Variants in C11orf65 observed in about 807,000 individuals in gnomAD.
C11orf65 encodes the protein protein MFI.
In C11orf65, 38 loss-of-function variants were observed where a neutral mutation model predicts 35.3. The observed-to-expected ratio is 1.08, with a 90% CI of 0.83 to 1.41. C11orf65 has a LOEUF of 1.41. Ranked by LOEUF, C11orf65 falls within the 40% of genes most tolerant of loss-of-function variation. The pLI is 0.00. For missense variants in C11orf65, 370 were observed against 367.1 expected, an observed-to-expected ratio of 1.01 and a Z score of -0.06; for synonymous variants, 105 against 114.4, an observed-to-expected ratio of 0.92 and a Z score of 0.53.
chr11:108,315,740 G>A (rs2084571521), intron 6 of C11orf65: 8 of 958,472 alleles, frequency 8.3e-6, no homozygotes, highest in Non-Finnish European at 1.2e-5. Flanking sequence ...GTTACATATT[G>A]GTAATGATAC....
In C11orf65 at chr11:108,352,176, A is replaced by T. The variant is rs568952990; in HGVS notation, c.227-16884T>A. Among the ~76,000 whole-genome samples the T allele has an allele frequency of 1.0e-3, 153 of 152,372 alleles. 1 individual carries two copies. The highest frequency in any genetic ancestry group is 1.6e-3 in the Non-Finnish European group (107 of 68,042). ...ACTTTAATGAAAAATGGCCACCTGT[A>T]GGTGCCAACACTGAGATGACAATGA... On this transcript the variant is annotated intron_variant, in intron 2 of 3. Transcript: ENST00000524755.
intron 2 of C11orf65, chr11:108,353,651 G>T: frequency 1.2e-6 from 1 of 826,184 alleles, no homozygotes; most frequent in Non-Finnish European, 2.1e-6. Flanking sequence ...ACATACTAGT[G>T]TTCATAGAAC....
chr11:108,389,220 G>C (rs2092088454), intron 7 of C11orf65, among the ~76,000 whole-genome samples: 1 of 152,262 alleles, frequency 6.6e-6, no homozygotes. Flanking sequence ...CACCAAGCCA[G>C]TTACAAATAT....
intron 3 of C11orf65, among the ~76,000 whole-genome samples, chr11:108,425,934 A>T (rs2092895992): frequency 6.6e-6 from 1 of 152,226 alleles, no homozygotes; most frequent in African/African-American, 2.4e-5. Flanking sequence ...AAGGCCTTTG[A>T]TAAAATTCAA....
At chr11:108,441,719 G>A (rs2093157720) in intron 2 of C11orf65, among the ~76,000 whole-genome samples, 1 of 152,254 alleles carries the variant, frequency 6.6e-6, no homozygotes, top group African/African-American at 2.4e-5. Context: ...AAGGTCTGGA[G>A]TGGACTTCCA....
intron 2 of C11orf65, among the ~76,000 whole-genome samples, chr11:108,363,568 A>C (rs1027529731): frequency 1.3e-5 from 2 of 152,150 alleles, no homozygotes; most frequent in Non-Finnish European, 2.9e-5. Flanking sequence ...TAGTATTGGC[A>C]TCTACTGGGT....
chr11:108,415,213 A>C (rs1716396216), intron 3 of C11orf65, among the ~76,000 whole-genome samples: 1 of 152,172 alleles, frequency 6.6e-6, no homozygotes, highest in Non-Finnish European at 1.5e-5. Flanking sequence ...GGAGAAAAAG[A>C]ACTGTCTTTG....
At chr11:108,432,160 T>C (rs1471595010) in intron 2 of C11orf65, among the ~76,000 whole-genome samples, 2 of 152,318 alleles carry the variant, frequency 1.3e-5, no homozygotes, top group Non-Finnish European at 1.5e-5. Flanking sequence ...GACTACTGAT[T>C]AAGAACCACT....
At chr11:108,338,890 G>A (rs1010483403) in intron 2 of C11orf65, among the ~76,000 whole-genome samples, 24 of 152,210 alleles carry the variant, frequency 1.6e-4, no homozygotes, top group African/African-American at 3.4e-4. Flanking sequence ...AGACTACAGC[G>A]AAGTAGTCTA....
intron 6 of C11orf65, among the ~76,000 whole-genome samples, chr11:108,395,857 G>A (rs1012589057): frequency 1.3e-5 from 2 of 151,176 alleles, no homozygotes; most frequent in African/African-American, 4.9e-5. Flanking sequence ...TCCTGACCTC[G>A]TGATCTGCCT....
chr11:108,461,009 G>A (rs906493417), intron 2 of C11orf65, among the ~76,000 whole-genome samples: 1 of 152,070 alleles, frequency 6.6e-6, no homozygotes, highest in Admixed American at 6.6e-5. Context: ...ACAGTCGTGA[G>A]CCACCACGCC....
intron 2 of C11orf65, among the ~76,000 whole-genome samples, chr11:108,457,167 A>AC (rs1157712115): frequency 9.9e-5 from 15 of 151,924 alleles, no homozygotes; most frequent in Admixed American, 2.6e-4. Flanking sequence ...AAATAGAGGA[A>AC]TTAAAAAAAA....
At chr11:108,369,156 T>A in intron 2 of C11orf65, 1 of 158,524 alleles carries the variant, frequency 6.3e-6, no homozygotes, top group Non-Finnish European at 1.4e-5. Flanking sequence ...GTGCCAGGCA[T>A]GGGACTCGTT....
At chr11:108,343,121 C>G in intron 2 of C11orf65, 1 of 1,456,816 alleles carries the variant, frequency 6.9e-7, no homozygotes, top group Non-Finnish European at 9.6e-7. Context: ...ATTAATACAA[C>G]TTGAAAAAAA....
chr11:108,335,499 G>C (rs2086741207), intron 2 of C11orf65, among the ~76,000 whole-genome samples: 1 of 152,180 alleles, frequency 6.6e-6, no homozygotes. Flanking sequence ...CAAAAAGGGA[G>C]AGCATTCTTC....
chr11:108,338,086 C>T (rs756838098), intron 2 of C11orf65, among the ~76,000 whole-genome samples: 8 of 152,242 alleles, frequency 5.3e-5, no homozygotes, highest in Admixed American at 6.5e-5. Context: ...TGGTGGCCCA[C>T]GCCTGTAATC....
chr11:108,428,969 A>T (rs1398209689), intron 3 of C11orf65, among the ~76,000 whole-genome samples: 1 of 152,086 alleles, frequency 6.6e-6, no homozygotes, highest in Non-Finnish European at 1.5e-5. Context: ...TAACCTAGGG[A>T]GATCCCATCT....
At chr11:108,374,929 T>C (rs1220521850) in intron 2 of C11orf65, among the ~76,000 whole-genome samples, 1 of 151,362 alleles carries the variant, frequency 6.6e-6, no homozygotes, top group African/African-American at 2.4e-5. Flanking sequence ...AGAAGGGAAG[T>C]TTAGAGAAAA....
intron 2 of C11orf65, among the ~76,000 whole-genome samples, chr11:108,344,156 A>G (rs1050764296): frequency 6.6e-6 from 1 of 152,184 alleles, no homozygotes; most frequent in Non-Finnish European, 1.5e-5. Flanking sequence ...AAAATGTGTG[A>G]TAAGTGCTAT....
Sources: gnomAD v4.1 joint callset for allele counts (sites outside exome capture counted in the v4.1 genomes callset) on GRCh38, gnomAD v4.1.1 for gene constraint, MANE v1.5 for transcripts, NCBI Gene and HGNC (gene_info 2026-07-23, HGNC 2026-07-21) for gene names.